CABLES2: variants seen among roughly 807,000 people sequenced by gnomAD.
CABLES2 encodes Cdk5 and Abl enzyme substrate 2, also known as CDK5 and ABL1 enzyme substrate 2.
A neutral mutation model predicts 44.8 loss-of-function variants in CABLES2; 35 were observed. The observed-to-expected ratio is 0.78, with a 90% confidence interval of 0.60 to 1.04. CABLES2 has a LOEUF of 1.04. Among genes scored for constraint, CABLES2 ranks in the 50% least tolerant of loss-of-function variants. The pLI, the probability that CABLES2 is intolerant of heterozygous loss-of-function variation, is 0.00. For missense variants in CABLES2, 566 were observed against 615.7 expected (o/e 0.92, Z 0.85); for synonymous variants, 282 against 281.1 (o/e 1.00, Z -0.03).
intron 5 of CABLES2, 65 bp downstream of exon 5, chr20:62,394,092 G>T (rs1186910872): frequency 1.6e-6 from 2 of 1,279,920 alleles, no homozygotes; most frequent in Non-Finnish European, 2.3e-6. Flanking sequence ...ACTGACGTGG[G>T]ACTGCTCCCA....
Position 62,396,382 on chromosome 20 carries a change from T to C in CABLES2, c.460A>G (p.Arg154Gly). The C allele has an allele frequency of 6.2e-7, 1 of 1,614,054 alleles. No individual in the cohort carries two copies. The highest frequency in any genetic ancestry group is 8.5e-7 in the Non-Finnish European group (1 of 1,179,996). The stretch of plus-strand genomic sequence containing the variant: ...TGGGTCTTCTTCAGGCCTTTATGTC[T>C]CGGTGATCCAGATGTGTGTTTGGTT... ...QRTKHTSGSP[R>G]HKGLKKTHFI... Residue 154 changes from arginine (R) to glycine (G), a missense_variant, in exon 3 of 10, where the codon AGA becomes GGA. Physicochemically the swap from Arg to Gly is moderately radical, Grantham distance 125. Around this residue, in one of 2 missense-constraint regions of CABLES2, gnomAD observed 436 missense variants for 536.3 expected, o/e 0.81. Transcript: ENST00000279101. This position sits in a 1 kb window ranked among gnomAD's most constrained non-coding sequence, Gnocchi z 5.7.
chr20:62,404,486 A>T (rs1421501229), intron 1 of CABLES2: 2 of 152,262 alleles, frequency 1.3e-5, no homozygotes, highest in African/African-American at 4.8e-5. Context: ...TCCTGAAACC[A>T]ACTCATCCTA....
intron 1 of CABLES2, among the ~76,000 whole-genome samples, chr20:62,400,910 T>G (rs1022535467): frequency 1.2e-4 from 19 of 152,230 alleles, no homozygotes; most frequent in Non-Finnish European, 5.9e-5. Flanking sequence ...TTCTCTTTTC[T>G]TTTTTTGTAA....
chr20:62,391,252 G>A lies in CABLES2; in HGVS notation c.1293C>T (p.Ile431=), dbSNP rs200996959. The stretch of plus-strand genomic sequence containing the variant: ...GCCTGCCGAGCCGGGCACTCACATC[G>A]ATGAGCTGCGTCACGCCGCTCTTGC... ...DLRKSGVTQL[I]DKLEERFRFN... The change falls in exon 9 of 10, where the codon ATC becomes ATT. Residue 431 remains isoleucine (I), a synonymous_variant. Transcript: ENST00000279101. The surrounding 1 kb of genome is among the most constrained non-coding windows in gnomAD (Gnocchi z 5.7). The A allele has an allele frequency of 4.4e-6, 7 of 1,606,904 alleles. No individual in the cohort carries two copies. The East Asian group carries it at 8.9e-5, about 21-fold the overall frequency.
rs1987850279 is a variant in CABLES2 at position 62,388,829 on chromosome 20, G to A, written c.*2142C>T. 4 of 314,546 alleles carry A rather than the reference G, an allele frequency of 1.3e-5. No homozygotes were observed. Among genetic ancestry groups the A allele is most frequent in the South Asian group, 7.0e-5 (2 of 28,394 alleles). 19.5% of individuals were successfully genotyped at this position (314,546 alleles called of 1,614,324 possible). A position where few individuals can be genotyped will look rare whatever the true frequency, so the allele number is the denominator to read the frequency against. The stretch of plus-strand genomic sequence containing the variant: ...GCTGAACACCTTAGCTCCGACACCT[G>A]GATGTGTTCTAGAGAATGACAGGCT... On this transcript the variant is annotated 3_prime_UTR_variant, in exon 10 of 10. Coordinates refer to ENST00000279101, the MANE Select transcript of CABLES2 (RefSeq NM_031215.3).
At position 62,396,543 on chromosome 20, in the gene CABLES2, C is replaced by A; in HGVS notation, c.412G>T (p.Val138Leu). ...TACCTCTGTGCTGGAGCGCATCCCACGGCATCTTCCAGAAACTCCAGGGAG... is the reference window on the plus strand; with the variant it reads ...TACCTCTGTGCTGGAGCGCATCCCAAGGCATCTTCCAGAAACTCCAGGGAG... ...RCSLEFLEDA[V>L]GCAPAQRTKH... Residue 138 changes from valine (V) to leucine (L), a missense_variant, in exon 2 of 10, where the codon GTG becomes TTG. Physicochemically the swap from Val to Leu is conservative, Grantham distance 32. Around this residue, in one of 2 missense-constraint regions of CABLES2, gnomAD observed 436 missense variants for 536.3 expected, o/e 0.81. Coordinates refer to ENST00000279101, the MANE Select transcript of CABLES2 (RefSeq NM_031215.3). This position sits in a 1 kb window ranked among gnomAD's most constrained non-coding sequence, Gnocchi z 5.7. The A allele has an allele frequency of 6.2e-7, 1 of 1,613,716 alleles. No homozygotes were observed.
chr20:62,396,327 G>T lies in CABLES2; in HGVS notation c.515C>A (p.Thr172Asn). Residue 172 changes from threonine (T) to asparagine (N), a missense_variant, in exon 3 of 10, where the codon ACC becomes AAC. Physicochemically the swap from Thr to Asn is moderately conservative, Grantham distance 65 (BLOSUM62 0). Transcript: ENST00000279101. The surrounding 1 kb of genome is among the most constrained non-coding windows in gnomAD (Gnocchi z 5.7). ...HFIKNMRQYD[T>N]RNSRIVLICA... ...CTCCGCTTCATACCTGCTGTTCCTG[G>T]TGTCGTACTGCCTCATGTTCTTGAT... 1 of 1,613,760 alleles carries T rather than the reference G, an allele frequency of 6.2e-7. No individual in the cohort carries two copies.
At position 62,390,228 on chromosome 20, in the gene CABLES2, G is replaced by A. The variant is rs1418530089; in HGVS notation, c.*743C>T. ...GGCATGGGATGGGCAGCTGTCTGTT[G>A]TGCCGTCGGTCTGTAGGACACAGGG... is the stretch of plus-strand genomic sequence containing the variant. On this transcript the variant is annotated 3_prime_UTR_variant, in exon 10 of 10. Coordinates refer to ENST00000279101, the MANE Select transcript of CABLES2 (RefSeq NM_031215.3). The A allele has an allele frequency of 6.6e-6, 1 of 152,614 alleles. No individual in the cohort carries two copies. Among genetic ancestry groups the A allele is most frequent in the East Asian group, 1.9e-4 (1 of 5,196 alleles). 9.5% of individuals were successfully genotyped at this position (152,614 alleles called of 1,614,324 possible).
intron 1 of CABLES2, among the ~76,000 whole-genome samples, chr20:62,398,229 TGAC>T (rs1352627645): frequency 1.6e-4 from 19 of 120,032 alleles, no homozygotes; most frequent in Non-Finnish European, 2.7e-4. Flanking sequence ...GTGGTGGTGG[TGAC>T]GGTGGTGATG....
At chr20:62,393,382 C>T (rs781328717) in intron 6 of CABLES2, 58 bp downstream of exon 6, 12 of 1,511,686 alleles carry the variant, frequency 7.9e-6, no homozygotes, top group South Asian at 2.6e-5. Context: ...GTCCCTGGGC[C>T]GTGGTTAAGG....
intron 1 of CABLES2, chr20:62,404,365 C>G (rs2146430249): frequency 6.6e-6 from 1 of 152,450 alleles, no homozygotes; most frequent in East Asian, 1.9e-4. Context: ...AGGTACTGAA[C>G]AGTGCAGCTG....
intron 1 of CABLES2, among the ~76,000 whole-genome samples, chr20:62,398,065 TGGTGAC>T (rs1246919989): frequency 2.8e-5 from 2 of 71,658 alleles, no homozygotes; most frequent in South Asian, 5.3e-4. Flanking sequence ...GCGATGGTGG[TGGTGAC>T]GGTGGTGGTG....
intron 5 of CABLES2, 127 bp from the exon 6 acceptor site, chr20:62,393,732 A>C: frequency 9.8e-7 from 1 of 1,024,786 alleles, no homozygotes; most frequent in Non-Finnish European, 1.4e-6. Context: ...GGAACAACTC[A>C]GATCAAGCCG....
In CABLES2 at chr20:62,393,561, G is replaced by A; in HGVS notation, c.759C>T (p.Val253=). 3 of 1,611,552 alleles carry A rather than the reference G, an allele frequency of 1.9e-6. No homozygotes were observed. The highest frequency in any genetic ancestry group is 2.5e-6 in the Non-Finnish European group (3 of 1,178,670). ...AKFLYPTNAL[V]THKSDSHGLL... Reference sequence around the variant, plus strand: ...GGCCATGGCTGTCACTCTTGTGTGTGACCAGGGCGTTGGTGGGATACAGGA... The same window carrying A: ...GGCCATGGCTGTCACTCTTGTGTGTAACCAGGGCGTTGGTGGGATACAGGA... The change falls in exon 6 of 10, where the codon GTC becomes GTT. Residue 253 remains valine, a synonymous_variant. Coordinates refer to ENST00000279101, the MANE Select transcript of CABLES2 (RefSeq NM_031215.3).
rs1178186250 is a variant in CABLES2 at position 62,391,926 on chromosome 20, G to A, written c.1091+463C>T. Among the ~76,000 whole-genome samples the A allele has an allele frequency of 2.6e-5, 4 of 152,152 alleles. No homozygotes were observed. Among genetic ancestry groups the A allele is most frequent in the Non-Finnish European group, 2.9e-5 (2 of 67,980 alleles). On this transcript the variant is annotated intron_variant, in intron 8 of 9. Coordinates refer to ENST00000279101, the MANE Select transcript of CABLES2 (RefSeq NM_031215.3). The surrounding 1 kb of genome is among the most constrained non-coding windows in gnomAD (Gnocchi z 5.7). ...CCAGCAGTTCCGCCGCCTTCTGCTC[G>A]CTTTCCTCCGGTCATGGGTCATCAG...
chr20:62,406,323 A>G (rs1481045183), intron 1 of CABLES2, among the ~76,000 whole-genome samples: 1 of 151,928 alleles, frequency 6.6e-6, no homozygotes, highest in Non-Finnish European at 1.5e-5. Context: ...AAGAATGCGA[A>G]GAGATGCACA....
chr20:62,398,020 T>A (rs994205330), intron 1 of CABLES2, among the ~76,000 whole-genome samples: 3 of 128,024 alleles, frequency 2.3e-5, no homozygotes, highest in Admixed American at 7.5e-5. Context: ...ATGGCGGTGG[T>A]GGTGGTGGTG....
At position 62,389,554 on chromosome 20, in the gene CABLES2, C is replaced by CAGAA. The variant is rs1350170401; in HGVS notation, c.*1413_*1416dup. The CAGAA allele has an allele frequency of 6.6e-6, 1 of 152,240 alleles. No individual in the cohort carries two copies. Among genetic ancestry groups the CAGAA allele is most frequent in the African/African-American group, 2.4e-5 (1 of 41,452 alleles). The allele number at this position is 152,240 out of a possible 1,614,324, so 9.4% of individuals were successfully genotyped here. ...CTTTCTGCGGAAGCACCAGTCTGCA[C>CAGAA]AGAAAGCATAGGATGTATTGTATTA... On this transcript the variant is annotated 3_prime_UTR_variant, in exon 10 of 10. Transcript: ENST00000279101.
chr20:62,397,340 C>T (rs917530860), intron 1 of CABLES2, among the ~76,000 whole-genome samples: 3 of 152,190 alleles, frequency 2.0e-5, no homozygotes, highest in East Asian at 1.9e-4. Flanking sequence ...TCCAGAGTGC[C>T]GGCCCCATGG....
Sources: gnomAD v4.1 joint callset for allele counts (sites outside exome capture counted in the v4.1 genomes callset) on GRCh38, gnomAD v4.1.1 for gene constraint, gnomAD v4.1.1 regional missense constraint, Gnocchi (gnomAD v3.1) non-coding constraint, MANE v1.5 for transcripts, NCBI Gene and HGNC (gene_info 2026-07-23, HGNC 2026-07-21) for gene names.